PDS5A: variants seen among roughly 807,000 people sequenced by gnomAD.
PDS5A encodes sister chromatid cohesion protein PDS5 homolog A.
A neutral mutation model predicts 167.1 loss-of-function variants in PDS5A; 42 were observed. The ratio of observed to expected loss-of-function variants is 0.25; its 90% CI spans 0.20 to 0.33. PDS5A has a LOEUF of 0.33. PDS5A is among the 10% of genes least tolerant of loss of function. The pLI is 1.00. For missense variants in PDS5A, 1,033 were observed against 1,605.9 expected, an observed-to-expected ratio of 0.64 and a Z score of 6.10; for synonymous variants, 553 against 554.6, an observed-to-expected ratio of 1.00 and a Z score of 0.04.
chr4:39,852,558 C>T (rs1184738125), intron 26 of PDS5A, among the ~76,000 whole-genome samples: 1 of 152,150 alleles, frequency 6.6e-6, no homozygotes, highest in Non-Finnish European at 1.5e-5. Context: ...ACCCCCACCC[C>T]AAGAATGCTT....
chr4:39,867,533 A>G (rs913920031), intron 22 of PDS5A, among the ~76,000 whole-genome samples: 7 of 148,234 alleles, frequency 4.7e-5, no homozygotes, highest in African/African-American at 1.7e-4. Context: ...TCTATACTAA[A>G]AAACCCCGTC....
intron 26 of PDS5A, among the ~76,000 whole-genome samples, chr4:39,850,271 C>CA (rs1553889621): frequency 0.022 from 2,072 of 94,726 alleles, 45 homozygotes; most frequent in African/African-American, 0.063. Context: ...GACTCTCTCT[C>CA]AAAAAAAAAA....
At chr4:39,974,160 G>C (rs1730851392) in intron 2 of PDS5A, 1 of 575,468 alleles carries the variant, frequency 1.7e-6, no homozygotes, top group South Asian at 1.4e-5. Flanking sequence ...TCTCCTCCTA[G>C]CCAAACTGCT....
chr4:39,916,853 C>A (rs1724438319), intron 8 of PDS5A, among the ~76,000 whole-genome samples, 195 bp downstream of exon 8: 1 of 151,478 alleles, frequency 6.6e-6, no homozygotes, highest in East Asian at 1.9e-4. Context: ...GCAATAACAG[C>A]AAAACTCCGT....
At chr4:39,904,809 T>C (rs1204920069) in intron 11 of PDS5A, among the ~76,000 whole-genome samples, 1 of 152,230 alleles carries the variant, frequency 6.6e-6, no homozygotes, top group Non-Finnish European at 1.5e-5. Context: ...AACTACAGGT[T>C]ACTGATTTTT....
At position 39,873,006 on chromosome 4, in the gene PDS5A, C is replaced by A; in HGVS notation, c.2416G>T (p.Asp806Tyr). ...CTTACCCTGTCATTCATTAGCAGAT[C>A]TTTCACAATAAAATTTGCTACTACA... is the stretch of plus-strand genomic sequence containing the variant. ...KSVVANFIVK[D>Y]LLMNDRSTGE... The change falls in exon 21 of 33, where the codon GAT (aspartate) becomes TAT (tyrosine). Residue 806 changes from aspartate (D) to tyrosine (Y), a missense_variant. By Grantham distance (160) the Asp-to-Tyr change is radical. Around this residue, in one of 4 missense-constraint regions of PDS5A, gnomAD observed 367 missense variants for 686.7 expected, o/e 0.53. Coordinates refer to ENST00000303538, the MANE Select transcript of PDS5A (RefSeq NM_001100399.2). 1.3e-6 allele frequency: 2 copies of A among 1,517,408 alleles called. No homozygotes were observed. Among genetic ancestry groups the A allele is most frequent in the Non-Finnish European group, 1.8e-6 (2 of 1,116,484 alleles). 94.0% of individuals were successfully genotyped at this position (1,517,408 alleles called of 1,614,324 possible).
chr4:39,971,756 G>A (rs1359227555), intron 2 of PDS5A, among the ~76,000 whole-genome samples: 4 of 151,990 alleles, frequency 2.6e-5, no homozygotes, highest in Admixed American at 2.6e-4. Flanking sequence ...CCCTGCGTCC[G>A]GGCTTAAGCT....
chr4:39,941,544 T>C (rs1021407816), intron 2 of PDS5A, among the ~76,000 whole-genome samples: 1 of 152,234 alleles, frequency 6.6e-6, no homozygotes, highest in South Asian at 2.1e-4. Flanking sequence ...TTATTTAATA[T>C]GCATTCAAGG....
At position 39,930,215 on chromosome 4, in the gene PDS5A, CAAAAAAAAAAAAAAAAA is replaced by C. The variant is rs764983592; in HGVS notation, c.139-2068_139-2052del. On this transcript the variant is annotated intron_variant, in intron 2 of 32. Coordinates refer to ENST00000303538, the MANE Select transcript of PDS5A (RefSeq NM_001100399.2). ...TGGGCAACAGAGTGAGACTCCATCT[CAAAAAAAAAAAAAAAAA>C]AAAAAAAAAAAAAAGTTTTTTTGTT... is the stretch of plus-strand genomic sequence containing the variant. 2.0e-3 allele frequency among the ~76,000 whole-genome samples: 69 copies of C among 35,098 alleles called. 1 individual carries two copies. Among genetic ancestry groups the C allele is most frequent in the African/African-American group, 7.7e-3 (66 of 8,610 alleles). 23.0% of individuals were successfully genotyped at this position (35,098 alleles called of 152,430 possible). A position where few individuals can be genotyped will look rare whatever the true frequency, so the allele number is the denominator to read the frequency against.
At chr4:39,891,237 T>C (rs1209123498) in intron 16 of PDS5A, among the ~76,000 whole-genome samples, 4 of 151,740 alleles carry the variant, frequency 2.6e-5, no homozygotes, top group African/African-American at 9.7e-5. Flanking sequence ...TTCGTCATGT[T>C]GGCCAGGCTG....
intron 10 of PDS5A, chr4:39,909,956 A>G (rs552390748): frequency 4.1e-6 from 1 of 245,440 alleles, no homozygotes; most frequent in African/African-American, 2.2e-5. Flanking sequence ...GAAGATTTTA[A>G]GCTGGGCATT....
intron 8 of PDS5A, among the ~76,000 whole-genome samples, chr4:39,915,337 G>A (rs761862728): frequency 8.3e-5 from 12 of 144,260 alleles, no homozygotes; most frequent in Admixed American, 7.2e-5. Flanking sequence ...TACCACAACC[G>A]GCCTGATTTT....
intron 2 of PDS5A, among the ~76,000 whole-genome samples, chr4:39,948,419 G>A (rs1425558729): frequency 6.9e-6 from 1 of 145,764 alleles, no homozygotes; most frequent in African/African-American, 2.6e-5. Context: ...TCCGCCTCCC[G>A]GGTTCAAGCA....
chr4:39,925,314 A>G (rs1427517811), intron 5 of PDS5A, among the ~76,000 whole-genome samples: 1 of 152,190 alleles, frequency 6.6e-6, no homozygotes, highest in East Asian at 1.9e-4. Context: ...CCCTATTTCT[A>G]TAAAGAGAAG....
intron 5 of PDS5A, among the ~76,000 whole-genome samples, chr4:39,923,644 C>CACACACAA (rs753784151): frequency 1.9e-4 from 28 of 149,594 alleles, no homozygotes; most frequent in South Asian, 8.4e-4. Flanking sequence ...TCAAAACACA[C>CACACACAA]ACACACACAC....
At chr4:39,862,127 TAA>T (rs1491153127) in intron 26 of PDS5A, 90 bp downstream of exon 26, 1 of 483,224 alleles carries the variant, frequency 2.1e-6, no homozygotes. Context: ...AATTCTAATG[TAA>T]ATAATAAATA....
intron 11 of PDS5A, among the ~76,000 whole-genome samples, chr4:39,907,780 GTTTCAC>G (rs2109673607): frequency 6.6e-6 from 1 of 152,126 alleles, no homozygotes; most frequent in Non-Finnish European, 1.5e-5. Flanking sequence ...TAGAGACGGG[GTTTCAC>G]CGTGTTAGCC....
intron 2 of PDS5A, among the ~76,000 whole-genome samples, chr4:39,956,125 A>G (rs969671069): frequency 2.0e-5 from 3 of 151,898 alleles, no homozygotes; most frequent in African/African-American, 7.3e-5. Flanking sequence ...CTCAAAAAAA[A>G]AAAAGAACAA....
intron 2 of PDS5A, among the ~76,000 whole-genome samples, chr4:39,944,427 C>T (rs571724860): frequency 6.6e-6 from 1 of 152,160 alleles, no homozygotes; most frequent in South Asian, 2.1e-4. Context: ...GGCACAGTGG[C>T]TCACACCTGT....
Sources: gnomAD v4.1 joint callset for allele counts (sites outside exome capture counted in the v4.1 genomes callset) on GRCh38, gnomAD v4.1.1 for gene constraint, gnomAD v4.1.1 regional missense constraint, MANE v1.5 for transcripts, NCBI Gene and HGNC (gene_info 2026-07-23, HGNC 2026-07-21) for gene names.